Variants in CCDC174 observed in about 807,000 individuals in gnomAD.
The protein encoded by CCDC174 is coiled-coil domain containing 174.
Under a neutral mutation model 57.1 loss-of-function variants are expected in CCDC174, and 37 were observed. The ratio of observed to expected loss-of-function variants is 0.65; its 90% CI spans 0.50 to 0.85. The LOEUF is 0.85. CCDC174 is among the 40% of genes least tolerant of loss of function. The pLI, the probability that CCDC174 is intolerant of heterozygous loss-of-function variation, is 0.00. For missense variants in CCDC174, 540 were observed against 574.3 expected, an observed-to-expected ratio of 0.94 and a Z score of 0.61; for synonymous variants, 182 against 190.2, an observed-to-expected ratio of 0.96 and a Z score of 0.35.
In CCDC174 at chr3:14,661,620, A is replaced by T. The variant is rs772671834; in HGVS notation, c.398A>T (p.Asp133Val). 1 of 1,614,206 alleles carries T rather than the reference A, an allele frequency of 6.2e-7. No individual in the cohort carries two copies. Among genetic ancestry groups the T allele is most frequent in the South Asian group, 1.1e-5 (1 of 91,078 alleles). The change falls in exon 5 of 11, where the codon GAT (aspartate) becomes GTT (valine). Residue 133 changes from aspartate to valine, a missense_variant. Transcript: ENST00000383794. ...KEMEASGAHRDSQKAGERDDD... is the reference protein window; with the variant it reads ...KEMEASGAHRVSQKAGERDDD... ...ATGGAGGCATCTGGTGCCCATAGAG[A>T]TTCTCAAAAGGCAGGAGAAAGGGAC... is the stretch of plus-strand genomic sequence containing the variant.
At chr3:14,662,301 G>A (rs2031165823) in intron 5 of CCDC174, among the ~76,000 whole-genome samples, 1 of 152,058 alleles carries the variant, frequency 6.6e-6, no homozygotes. Flanking sequence ...AGATTATAAT[G>A]CCTCATTCCC....
chr3:14,671,952 C>T lies in CCDC174; in HGVS notation c.*758C>T, dbSNP rs2031531435. The T allele has an allele frequency of 6.6e-6, 1 of 152,430 alleles. No individual in the cohort carries two copies. The highest frequency in any genetic ancestry group is 1.5e-5 in the Non-Finnish European group (1 of 68,214). The allele number at this position is 152,430 out of a possible 1,614,324, so 9.4% of individuals were successfully genotyped here. On this transcript the variant is annotated 3_prime_UTR_variant, in exon 11 of 11. Coordinates refer to ENST00000383794, the MANE Select transcript of CCDC174 (RefSeq NM_016474.5). ...ACCTCCCTGTCGCCCCCATGCTCGG[C>T]TTCCTCACATTCAGGAGCCTGACTT...
chr3:14,651,969 G>A, intron 1 of CCDC174, 91 bp downstream of exon 1: 1 of 1,296,736 alleles, frequency 7.7e-7, no homozygotes, highest in Non-Finnish European at 1.1e-6. Context: ...TCTTCACTCG[G>A]GGACCCAGAG....
At chr3:14,662,949 A>G (rs17040056) in intron 5 of CCDC174, among the ~76,000 whole-genome samples, 6,648 of 152,310 alleles carry the variant, frequency 0.044, 342 homozygotes, top group African/African-American at 0.13. Flanking sequence ...ATAGTTTGAT[A>G]CCATTTGGAA....
chr3:14,662,739 T>C (rs1241316919), intron 5 of CCDC174, among the ~76,000 whole-genome samples: 1 of 152,206 alleles, frequency 6.6e-6, no homozygotes, highest in Admixed American at 6.5e-5. Flanking sequence ...GGACTCTTTG[T>C]AGCAGGCGTT....
intron 5 of CCDC174, among the ~76,000 whole-genome samples, chr3:14,664,198 T>C (rs2031243726): frequency 6.6e-6 from 1 of 152,304 alleles, no homozygotes; most frequent in African/African-American, 2.4e-5. Context: ...AAAAAATTGC[T>C]AACAAAAGCA....
At chr3:14,661,353 A>G (rs2031128467) in intron 4 of CCDC174, among the ~76,000 whole-genome samples, 177 bp from the exon 5 acceptor site, 1 of 152,040 alleles carries the variant, frequency 6.6e-6, no homozygotes. Context: ...TTTTTTGTGT[A>G]GTATATGTCA....
chr3:14,671,179 CAA>C lies in CCDC174; in HGVS notation c.1391_1392del (p.Lys464ThrfsTer31). 6.2e-7 allele frequency: 1 copy of C among 1,609,740 alleles called. No individual in the cohort carries two copies. Among genetic ancestry groups the C allele is most frequent in the Non-Finnish European group, 8.5e-7 (1 of 1,176,744 alleles). ...CTCTGGATGACATGATTTCCTATTA[CAA>C]ACAAGTGACATGATCTTTCAAAGCA... ...KTLDDMISYY[K>X]QVT On this transcript the variant is annotated frameshift_variant, in exon 11 of 11. Coordinates refer to ENST00000383794, the MANE Select transcript of CCDC174 (RefSeq NM_016474.5). LOFTEE classifies it high-confidence loss of function.
rs2031007345 is a variant in CCDC174 at position 14,657,779 on chromosome 3, C to T, written c.249-1092C>T. The stretch of plus-strand genomic sequence containing the variant: ...TTTTCTGACCTGCCTTCCCTGCCCC[C>T]AGATCCTCCTGTGGTTGGCTGCTTC... On this transcript the variant is annotated intron_variant, in intron 3 of 10. Transcript: ENST00000383794. Among the ~76,000 whole-genome samples the T allele has an allele frequency of 1.3e-5, 2 of 152,208 alleles. 1 individual carries two copies. The highest frequency in any genetic ancestry group is 4.1e-4 in the South Asian group (2 of 4,826).
intron 1 of CCDC174, among the ~76,000 whole-genome samples, chr3:14,653,246 A>T (rs1422053778): frequency 6.6e-6 from 1 of 152,324 alleles, no homozygotes; most frequent in East Asian, 1.9e-4. Context: ...GAGAATTTAC[A>T]TTTTTTTGAG....
intron 3 of CCDC174, among the ~76,000 whole-genome samples, chr3:14,657,488 C>A (rs73816114): frequency 0.032 from 4,820 of 152,296 alleles, 224 homozygotes; most frequent in African/African-American, 0.11. Context: ...AGAAACTGTT[C>A]TTTAAAGTCA....
At chr3:14,670,528 A>G (rs1404059494) in intron 10 of CCDC174, among the ~76,000 whole-genome samples, 3 of 152,246 alleles carry the variant, frequency 2.0e-5, no homozygotes. Flanking sequence ...CACTGTTAGA[A>G]ATAGAGATGA....
chr3:14,665,047 T>G lies in CCDC174; in HGVS notation c.505T>G (p.Leu169Val). ...TTTCAGGGTGGATTACGTGGACTCT[T>G]TGGGGCGTTCCCGGCGCTGTATGAG... ...SEEWVDYVDSLGRSRRCMRKD... is the reference protein window; with the variant it reads ...SEEWVDYVDSVGRSRRCMRKD... Residue 169 changes from leucine (L) to valine (V), a missense_variant, in exon 6 of 11, where the codon TTG (leucine) becomes GTG (valine). Transcript: ENST00000383794. 6.2e-7 allele frequency: 1 copy of G among 1,614,048 alleles called. No homozygotes were observed. Among genetic ancestry groups the G allele is most frequent in the Non-Finnish European group, 8.5e-7 (1 of 1,179,922 alleles).
chr3:14,651,771 G>C lies in CCDC174; in HGVS notation c.-66G>C, dbSNP rs1428647289. ...GAAGACACTTCCGGTTGCGACGGAG[G>C]TAGGCTTACGAGGCCTGTGTCGGGT... On this transcript the variant is annotated 5_prime_UTR_variant, in exon 1 of 11. Coordinates refer to ENST00000383794, the MANE Select transcript of CCDC174 (RefSeq NM_016474.5). 6.5e-7 allele frequency: 1 copy of C among 1,543,376 alleles called. No homozygotes were observed. The highest frequency in any genetic ancestry group is 9.0e-7 in the Non-Finnish European group (1 of 1,116,522).
intron 3 of CCDC174, among the ~76,000 whole-genome samples, chr3:14,658,250 T>G (rs2031023509): frequency 6.6e-6 from 1 of 152,198 alleles, no homozygotes; most frequent in South Asian, 2.1e-4. Context: ...GCTTGGCAGG[T>G]AGGAGGTGTG....
chr3:14,670,234 A>G, intron 10 of CCDC174, 148 bp downstream of exon 10: 2 of 752,370 alleles, frequency 2.7e-6, no homozygotes, highest in Non-Finnish European at 4.2e-6. Flanking sequence ...CCTGCCTTTA[A>G]AGTATTATGA....
In CCDC174 at chr3:14,651,784, G is replaced by A. The variant is rs372882565; in HGVS notation, c.-53G>A. ...GTTGCGACGGAGGTAGGCTTACGAG[G>A]CCTGTGTCGGGTAGAAAGGGTCCTT... On this transcript the variant is annotated 5_prime_UTR_variant, in exon 1 of 11. Coordinates refer to ENST00000383794, the MANE Select transcript of CCDC174 (RefSeq NM_016474.5). The A allele has an allele frequency of 3.0e-5, 47 of 1,591,718 alleles. No individual in the cohort carries two copies. The highest frequency in any genetic ancestry group is 3.7e-5 in the Non-Finnish European group (43 of 1,159,882).
intron 5 of CCDC174, among the ~76,000 whole-genome samples, chr3:14,663,788 G>A (rs1319064526): frequency 6.6e-6 from 1 of 152,198 alleles, no homozygotes; most frequent in Non-Finnish European, 1.5e-5. Context: ...ATTAATGCCT[G>A]TGTGATTACA....
At position 14,658,810 on chromosome 3, in the gene CCDC174, G is replaced by T. The variant is rs1385180557; in HGVS notation, c.249-61G>T. On this transcript the variant is annotated intron_variant, in intron 3 of 10. Transcript: ENST00000383794. ...TGGTACCTGTCAGGCAGGGAGTGTG[G>T]GGGCAACCAGGATGAACAGTTATAA... 20 of 1,500,190 alleles carry T rather than the reference G, an allele frequency of 1.3e-5. No homozygotes were observed. In the Admixed American group the frequency reaches 3.9e-4, roughly 29 times the overall value. 92.9% of individuals were successfully genotyped at this position (1,500,190 alleles called of 1,614,324 possible). A position where few individuals can be genotyped will look rare whatever the true frequency, so the allele number is the denominator to read the frequency against.
Sources: gnomAD v4.1 joint callset for allele counts (sites outside exome capture counted in the v4.1 genomes callset) on GRCh38, gnomAD v4.1.1 for gene constraint, MANE v1.5 for transcripts, NCBI Gene and HGNC (gene_info 2026-07-23, HGNC 2026-07-21) for gene names.